Variants in DNAI4 observed in about 807,000 individuals in gnomAD.
DNAI4 encodes WD repeat domain 78.
DNAI4 carries 85 observed loss-of-function variants against 105.8 expected under a neutral mutation model. The ratio of observed to expected loss-of-function variants is 0.80; its 90% CI spans 0.67 to 0.96. The LOEUF is 0.96. Among genes scored for constraint, DNAI4 ranks in the 40% least tolerant of loss-of-function variants. The pLI is 0.00. For synonymous variants in DNAI4, 352 were observed against 331.5 expected (o/e 1.06, Z -0.67); for missense variants, 1,014 against 1,005.6 (o/e 1.01, Z -0.11).
intron 1 of DNAI4, among the ~76,000 whole-genome samples, chr1:66,908,313 A>G (rs182072719): frequency 3.3e-5 from 5 of 152,008 alleles, no homozygotes; most frequent in Admixed American, 3.3e-4. Flanking sequence ...TACTAAGAGG[A>G]GTCCTCCTCC....
At position 66,834,164 on chromosome 1, in the gene DNAI4, A is replaced by C; in HGVS notation, c.1734-16T>G. 1 of 1,578,954 alleles carries C rather than the reference A, an allele frequency of 6.3e-7. No individual in the cohort carries two copies. Among genetic ancestry groups the C allele is most frequent in the Non-Finnish European group, 8.6e-7 (1 of 1,165,560 alleles). ...AGGTGATTCACTAAAACAGTAAAAA[A>C]AATACTAAACATATAATCATTATAA... On this transcript the variant is annotated splice_polypyrimidine_tract_variant and intron_variant, in intron 11 of 16. Coordinates refer to ENST00000371026, the MANE Select transcript of DNAI4 (RefSeq NM_024763.5).
At chr1:66,833,757 T>C in intron 12 of DNAI4, 51 bp from the exon 13 acceptor site, 1 of 1,582,130 alleles carries the variant, frequency 6.3e-7, no homozygotes, top group Non-Finnish European at 8.6e-7. Context: ...CATGAAAGAG[T>C]ACCGCAAATA....
In DNAI4 at chr1:66,825,032, G is replaced by A. The variant is rs1274320330; in HGVS notation, c.2339+1788C>T. On this transcript the variant is annotated intron_variant, in intron 15 of 16. Coordinates refer to ENST00000371026, the MANE Select transcript of DNAI4 (RefSeq NM_024763.5). ...ATAGGACCCACTCCTTAAAATAAAT[G>A]TCTCTCTCAAGAGATAGATATAAAG... Among the ~76,000 whole-genome samples, 8 of 152,218 alleles carry A rather than the reference G, an allele frequency of 5.3e-5. No individual in the cohort carries two copies. The East Asian group carries it at 1.5e-3, about 29-fold the overall frequency.
intron 6 of DNAI4, among the ~76,000 whole-genome samples, chr1:66,864,778 T>C (rs752234067): frequency 5.3e-5 from 8 of 152,116 alleles, no homozygotes; most frequent in Non-Finnish European, 7.4e-5. Flanking sequence ...GAGGAGACAG[T>C]TGCAGTGAGC....
At chr1:66,895,201 G>A (rs1430545833) in intron 2 of DNAI4, among the ~76,000 whole-genome samples, 1 of 152,124 alleles carries the variant, frequency 6.6e-6, no homozygotes, top group South Asian at 2.1e-4. Context: ...TTTTTGGATG[G>A]GCACAGTGGC....
intron 3 of DNAI4, 40 bp downstream of exon 3, chr1:66,893,189 A>G (rs1340137459): frequency 8.4e-7 from 1 of 1,192,926 alleles, no homozygotes; most frequent in Non-Finnish European, 1.1e-6. Context: ...AAGGCAATAT[A>G]TATGATAGAA....
chr1:66,822,312 C>G, intron 16 of DNAI4, 49 bp downstream of exon 16: 1 of 1,473,284 alleles, frequency 6.8e-7, no homozygotes, highest in Non-Finnish European at 9.2e-7. Context: ...AAAAGTATAA[C>G]TGAATAGACT....
chr1:66,871,232 G>C, intron 6 of DNAI4, 138 bp downstream of exon 6: 1 of 608,102 alleles, frequency 1.6e-6, no homozygotes, highest in Non-Finnish European at 2.7e-6. Flanking sequence ...ATAGAACACA[G>C]TGTCCAACTA....
chr1:66,871,649 C>T, intron 5 of DNAI4, 140 bp from the exon 6 acceptor site: 1 of 835,368 alleles, frequency 1.2e-6, no homozygotes, highest in South Asian at 2.4e-5. Flanking sequence ...CAAAAAAAGC[C>T]TTAGGAAAAG....
rs1347112928 is a variant in DNAI4, at chr1:66,840,496, G to A, written c.1467C>T (p.Ser489=). 1.9e-6 allele frequency: 3 copies of A among 1,614,052 alleles called. No homozygotes were observed. The highest frequency in any genetic ancestry group is 1.3e-5 in the African/African-American group (1 of 74,932). The part of the protein sequence containing the change: ...SCDLTKGLNV[S]SLAWNKTNPD... ...GATTTGTTTTATTCCAGGCAAGGCT[G>A]CTCACATTGAGGCCTTTGGTTAAGT... Residue 489 remains serine, a synonymous_variant, in exon 9 of 17, where the codon AGC becomes AGT. Coordinates refer to ENST00000371026, the MANE Select transcript of DNAI4 (RefSeq NM_024763.5).
intron 4 of DNAI4, among the ~76,000 whole-genome samples, chr1:66,875,411 C>T (rs934416581): frequency 2.0e-5 from 3 of 152,162 alleles, no homozygotes; most frequent in Non-Finnish European, 2.9e-5. Flanking sequence ...CACCTCTAAT[C>T]ATCTTCACCA....
intron 1 of DNAI4, among the ~76,000 whole-genome samples, chr1:66,906,377 A>G (rs1471401362): frequency 6.6e-6 from 1 of 152,202 alleles, no homozygotes; most frequent in Non-Finnish European, 1.5e-5. Flanking sequence ...AATGGGGATG[A>G]GCCTCCCTGA....
At chr1:66,829,609 C>T (rs573245585) in intron 13 of DNAI4, among the ~76,000 whole-genome samples, 36 of 152,190 alleles carry the variant, frequency 2.4e-4, no homozygotes, top group African/African-American at 8.2e-4. Flanking sequence ...ATAGACAAAT[C>T]TACAATTATG....
chr1:66,881,099 G>C (rs1647060068), intron 4 of DNAI4, among the ~76,000 whole-genome samples: 1 of 152,230 alleles, frequency 6.6e-6, no homozygotes, highest in African/African-American at 2.4e-5. Flanking sequence ...CCTCCCCCTA[G>C]ATTTTAGAGG....
chr1:66,847,558 A>C lies in DNAI4; in HGVS notation c.1217T>G (p.Phe406Cys), dbSNP rs779013302. Residue 406 changes from phenylalanine to cysteine, a missense_variant, in exon 8 of 17, where the codon TTT becomes TGT. Physicochemically the swap from Phe to Cys is radical, Grantham distance 205. Transcript: ENST00000371026. ...ATTTTCCATCAGAACCCGTTCCATA[A>C]AAAATAAGTCCTGATGAAATTTGTC... Reference protein sequence around the residue: ...KSDKFHQDLFFMERVLMENIF... With the variant: ...KSDKFHQDLFCMERVLMENIF... 1 of 1,614,082 alleles carries C rather than the reference A, an allele frequency of 6.2e-7. No homozygotes were observed. Among genetic ancestry groups the C allele is most frequent in the South Asian group, 1.1e-5 (1 of 91,060 alleles).
intron 1 of DNAI4, among the ~76,000 whole-genome samples, chr1:66,911,331 G>A (rs922348900): frequency 1.3e-5 from 2 of 152,190 alleles, no homozygotes; most frequent in African/African-American, 4.8e-5. Flanking sequence ...AAACCTCCAT[G>A]TGCCCAGCTA....
At chr1:66,895,040 A>G (rs905435553) in intron 2 of DNAI4, among the ~76,000 whole-genome samples, 2 of 152,230 alleles carry the variant, frequency 1.3e-5, no homozygotes, top group African/African-American at 4.8e-5. Flanking sequence ...AAATATGTCT[A>G]TATCTCCTTT....
intron 13 of DNAI4, among the ~76,000 whole-genome samples, chr1:66,829,072 C>T (rs1186724716): frequency 6.6e-6 from 1 of 152,068 alleles, no homozygotes; most frequent in Non-Finnish European, 1.5e-5. Context: ...TCAGTTGAGC[C>T]GTGACGCAGT....
intron 1 of DNAI4, among the ~76,000 whole-genome samples, chr1:66,918,325 A>G (rs1650213099): frequency 1.3e-5 from 2 of 152,212 alleles, no homozygotes; most frequent in Non-Finnish European, 2.9e-5. Context: ...TGTTTTCTCA[A>G]TGTTTATTAT....
Sources: gnomAD v4.1 joint callset for allele counts (sites outside exome capture counted in the v4.1 genomes callset) on GRCh38, gnomAD v4.1.1 for gene constraint, MANE v1.5 for transcripts, NCBI Gene and HGNC (gene_info 2026-07-23, HGNC 2026-07-21) for gene names.